The following COL4A1 variants were observed in gnomAD, a reference collection of about 807,000 sequenced individuals.
COL4A1 encodes collagen alpha-1(IV) chain.
In COL4A1, 40 loss-of-function variants were observed where a neutral mutation model predicts 216.6. The observed-to-expected ratio is 0.18, with a 90% CI of 0.14 to 0.24. The LOEUF is 0.24. Ranked by LOEUF, COL4A1 falls within the 10% of genes least tolerant of loss-of-function variation. The pLI is 1.00. For missense variants in COL4A1, 1,628 were observed against 2,196.8 expected (o/e 0.74, Z 5.18); for synonymous variants, 839 against 810.7 (o/e 1.03, Z -0.59).
At chr13:110,196,586 AC>A (rs1878900474) in intron 21 of COL4A1, among the ~76,000 whole-genome samples, 1 of 145,030 alleles carries the variant, frequency 6.9e-6, no homozygotes, top group Admixed American at 7.1e-5. Flanking sequence ...TGACAAAAAA[AC>A]AAAAAACAAA....
intron 1 of COL4A1, among the ~76,000 whole-genome samples, chr13:110,292,312 C>T (rs1307534964): frequency 1.3e-5 from 2 of 152,312 alleles, no homozygotes; most frequent in East Asian, 3.9e-4. Context: ...TAAAAATGCA[C>T]TTGTGCACAG....
intron 1 of COL4A1, among the ~76,000 whole-genome samples, chr13:110,243,322 C>T (rs557695968): frequency 1.4e-5 from 2 of 147,152 alleles, no homozygotes; most frequent in African/African-American, 4.9e-5. Flanking sequence ...TTGTAGTTCA[C>T]TTTTTTTTTT....
chr13:110,248,857 G>A (rs1166793234), intron 1 of COL4A1, among the ~76,000 whole-genome samples: 1 of 152,206 alleles, frequency 6.6e-6, no homozygotes, highest in Non-Finnish European at 1.5e-5. Flanking sequence ...GTGAATAAAA[G>A]ATAACCACAC....
chr13:110,214,691 C>G (rs1484296940), intron 2 of COL4A1, among the ~76,000 whole-genome samples: 1 of 152,294 alleles, frequency 6.6e-6, no homozygotes, highest in East Asian at 1.9e-4. Flanking sequence ...GATTCAGGGA[C>G]TTGTACCACT....
intron 40 of COL4A1, 37 bp from the exon 41 acceptor site, chr13:110,172,807 C>T (rs1204398594): frequency 6.4e-7 from 1 of 1,568,006 alleles, no homozygotes. Flanking sequence ...TTTCTCTTTA[C>T]TTAAACAATC....
intron 2 of COL4A1, among the ~76,000 whole-genome samples, chr13:110,215,897 T>C (rs886848932): frequency 3.9e-5 from 6 of 152,186 alleles, no homozygotes; most frequent in African/African-American, 7.2e-5. Flanking sequence ...GCTCCATTTT[T>C]ACAAACGCAG....
In COL4A1 at chr13:110,252,661, G is replaced by T. The variant is rs547953006; in HGVS notation, c.85-9927C>A. Among the ~76,000 whole-genome samples, 420 of 139,088 alleles carry T rather than the reference G, an allele frequency of 3.0e-3. 8 individuals are homozygous for T. The highest frequency in any genetic ancestry group is 0.011 in the African/African-American group (398 of 37,810). 91.2% of individuals were successfully genotyped at this position (139,088 alleles called of 152,430 possible). ...ATACTTATATACAAAATGTATATAT[G>T]TATATATACATATAATATGTATATA... On this transcript the variant is annotated intron_variant, in intron 1 of 51. Coordinates refer to ENST00000375820, the MANE Select transcript of COL4A1 (RefSeq NM_001845.6).
rs74508743 is a variant in COL4A1 at position 110,201,433 on chromosome 13, G to C, written c.1084+5C>G. On this transcript the variant is annotated splice_donor_5th_base_variant and intron_variant, in intron 19 of 51. Transcript: ENST00000375820. ...GAGGAGGGGGGAAAAAGGCAAGAAA[G>C]CTACCTTTTGGGCCTGGCTCTCCTC... 5.1e-3 allele frequency: 8,170 copies of C among 1,612,738 alleles called. 182 individuals carry two copies. In the African/African-American group the frequency reaches 0.068, roughly 14 times the overall value.
intron 1 of COL4A1, among the ~76,000 whole-genome samples, chr13:110,296,154 T>C (rs1391623945): frequency 6.6e-6 from 1 of 152,228 alleles, no homozygotes; most frequent in African/African-American, 2.4e-5. Context: ...CTATGATGGA[T>C]CTCATGAGAA....
At chr13:110,233,456 G>T (rs556412516) in intron 2 of COL4A1, among the ~76,000 whole-genome samples, 5 of 152,148 alleles carry the variant, frequency 3.3e-5, no homozygotes, top group Non-Finnish European at 7.3e-5. Context: ...AGATACTTTG[G>T]GGGGTGGAAT....
chr13:110,194,924 C>T lies in COL4A1; in HGVS notation c.1381+99G>A, dbSNP rs533220206. The T allele has an allele frequency of 4.8e-5, 45 of 946,446 alleles. No homozygotes were observed. In the South Asian group the frequency reaches 6.0e-4, roughly 13 times the overall value. 58.6% of individuals were successfully genotyped at this position (946,446 alleles called of 1,614,324 possible). A position where few individuals can be genotyped will look rare whatever the true frequency, so the allele number is the denominator to read the frequency against. On this transcript the variant is annotated intron_variant, in intron 22 of 51. Coordinates refer to ENST00000375820, the MANE Select transcript of COL4A1 (RefSeq NM_001845.6). ...CAAATAAAAGGAACCTACGCCCTAA[C>T]TCTGCCCACCCCCACTTGGCTCCAA...
chr13:110,247,298 C>T (rs930508641), intron 1 of COL4A1, among the ~76,000 whole-genome samples: 2 of 152,158 alleles, frequency 1.3e-5, no homozygotes, highest in African/African-American at 4.8e-5. Context: ...GACACACACA[C>T]GCACACATAA....
At chr13:110,227,431 CA>C (rs1880791039) in intron 2 of COL4A1, among the ~76,000 whole-genome samples, 1 of 148,596 alleles carries the variant, frequency 6.7e-6, no homozygotes, top group African/African-American at 2.5e-5. Flanking sequence ...CACACAAACA[CA>C]CACAAACACA....
At chr13:110,159,290 T>G (rs1488892773) in intron 49 of COL4A1, among the ~76,000 whole-genome samples, 2 of 152,144 alleles carry the variant, frequency 1.3e-5, no homozygotes, top group Non-Finnish European at 2.9e-5. Context: ...TGTGTATTAT[T>G]GTATAACTTT....
intron 1 of COL4A1, among the ~76,000 whole-genome samples, chr13:110,289,454 C>T (rs868617443): frequency 6.6e-6 from 1 of 152,226 alleles, no homozygotes; most frequent in Middle Eastern, 3.4e-3. Flanking sequence ...CCTGCCCATC[C>T]CCCACTGCTC....
rs901834193 is a variant in COL4A1, at chr13:110,307,140, G to C, written c.-113C>G. The C allele has an allele frequency of 3.4e-5, 29 of 845,996 alleles. No individual in the cohort carries two copies. The highest frequency in any genetic ancestry group is 4.6e-5 in the Non-Finnish European group (28 of 604,856). The allele number at this position is 845,996 out of a possible 1,614,324, so 52.4% of individuals were successfully genotyped here. The stretch of plus-strand genomic sequence containing the variant: ...CGCTACGCACCGTCCCGGGTGCGGC[G>C]GCTCCAAGCGGAGACCTGAGCGCGG... On this transcript the variant is annotated 5_prime_UTR_variant, in exon 1 of 52. Transcript: ENST00000375820. The surrounding 1 kb of genome is among the most constrained non-coding windows in gnomAD (Gnocchi z 5.0).
At chr13:110,220,148 G>A (rs1880404792) in intron 2 of COL4A1, among the ~76,000 whole-genome samples, 2 of 151,968 alleles carry the variant, frequency 1.3e-5, no homozygotes. Context: ...ATGTTGGCCA[G>A]GCTGGTCTTG....
chr13:110,196,852 G>T (rs1878916064), intron 21 of COL4A1, among the ~76,000 whole-genome samples: 1 of 152,114 alleles, frequency 6.6e-6, no homozygotes, highest in Non-Finnish European at 1.5e-5. Flanking sequence ...TAAGTCCTGA[G>T]GTAGCAATGG....
intron 33 of COL4A1, among the ~76,000 whole-genome samples, chr13:110,177,492 G>A (rs1341147348): frequency 3.3e-5 from 5 of 152,122 alleles, no homozygotes; most frequent in African/African-American, 4.8e-5. Context: ...AAATAAAGAC[G>A]AAGCCTTGTA....
Sources: allele counts gnomAD v4.1 joint callset (sites outside exome capture counted in the v4.1 genomes callset), GRCh38; gene constraint gnomAD v4.1.1; non-coding constraint Gnocchi (gnomAD v3.1); transcripts MANE v1.5; gene names NCBI Gene and HGNC (gene_info 2026-07-23, HGNC 2026-07-21).